MYC: variants seen among roughly 807,000 people sequenced by gnomAD.
The protein encoded by MYC is MYC proto-oncogene, bHLH transcription factor, also known as myc proto-oncogene protein.
MYC carries 1 observed loss-of-function variant against 30.5 expected under a neutral mutation model. The ratio of observed to expected loss-of-function variants is 0.03; its 90% CI spans 0.01 to 0.16. The LOEUF (loss-of-function observed/expected upper bound fraction) is 0.16. Ranked by LOEUF, MYC falls within the 10% of genes least tolerant of loss-of-function variation. The pLI is 1.00. For missense variants in MYC, 508 were observed against 589.0 expected (o/e 0.86, Z 1.42); for synonymous variants, 267 against 250.7 (o/e 1.07, Z -0.62).
In MYC at chr8:127,741,837, T is replaced by A. The variant is rs1813717448; in HGVS notation, c.*879T>A. Among the ~76,000 whole-genome samples, 1 of 152,160 alleles carries A rather than the reference T, an allele frequency of 6.6e-6. No individual in the cohort carries two copies. ...AAACCCAGGAATTCTGCCCAGTTGATGGGGACACGGTGGGAACCAGCTTCT... is the reference window on the plus strand; with the variant it reads ...AAACCCAGGAATTCTGCCCAGTTGAAGGGGACACGGTGGGAACCAGCTTCT... On this transcript the variant is annotated 3_prime_UTR_variant, in exon 3 of 3. Transcript: ENST00000621592.
chr8:127,742,915 C>T lies in MYC; in HGVS notation c.*1957C>T, dbSNP rs1242737990. ...CCTGTACTTTGGGATTTTAATCTAC[C>T]ACCACCCATAAATCAATAAATAATT... On this transcript the variant is annotated 3_prime_UTR_variant, in exon 3 of 3. Coordinates refer to ENST00000621592, the MANE Select transcript of MYC (RefSeq NM_002467.6). 2.0e-5 allele frequency among the ~76,000 whole-genome samples: 3 copies of T among 152,132 alleles called. No individual in the cohort carries two copies. Among genetic ancestry groups the T allele is most frequent in the Non-Finnish European group, 4.4e-5 (3 of 68,028 alleles).
chr8:127,736,677 T>G, intron 1 of MYC, 54 bp downstream of exon 1: 2 of 1,583,106 alleles, frequency 1.3e-6, no homozygotes, highest in South Asian at 2.2e-5. Context: ...ACTTTAATGC[T>G]GAGATGAGTC....
Position 127,742,113 on chromosome 8 carries a change from G to T in MYC, c.*1155G>T, listed in dbSNP as rs1245727201. Among the ~76,000 whole-genome samples the T allele has an allele frequency of 2.0e-5, 3 of 152,212 alleles. No homozygotes were observed. Among genetic ancestry groups the T allele is most frequent in the Admixed American group, 2.0e-4 (3 of 15,268 alleles). On this transcript the variant is annotated 3_prime_UTR_variant, in exon 3 of 3. Coordinates refer to ENST00000621592, the MANE Select transcript of MYC (RefSeq NM_002467.6). ...GGGTCTAATGTGCTGAGATCAAGAA[G>T]GTTTAGGACCTAATGGACAGACTCA...
chr8:127,737,832 C>G (rs578118914), intron 1 of MYC, among the ~76,000 whole-genome samples: 1 of 152,154 alleles, frequency 6.6e-6, no homozygotes, highest in East Asian at 1.9e-4. Flanking sequence ...AGCGCCCAGG[C>G]GCCTCTCGCC....
At position 127,736,300 on chromosome 8, in the gene MYC, G is replaced by A. The variant is rs1813586923; in HGVS notation, c.-294G>A. On this transcript the variant is annotated 5_prime_UTR_variant, in exon 1 of 3. Transcript: ENST00000621592. Reference sequence around the variant, plus strand: ...GCGGCCGGCTAGGGTGGAAGAGCCGGGCGAGCAGAGCTGCGCTGCGGGCGT... The same window carrying A: ...GCGGCCGGCTAGGGTGGAAGAGCCGAGCGAGCAGAGCTGCGCTGCGGGCGT... The A allele has an allele frequency of 3.6e-6, 2 of 556,546 alleles. No homozygotes were observed. Among genetic ancestry groups the A allele is most frequent in the South Asian group, 2.5e-5 (1 of 40,440 alleles). 34.5% of individuals were successfully genotyped at this position (556,546 alleles called of 1,614,324 possible). A position where few individuals can be genotyped will look rare whatever the true frequency, so the allele number is the denominator to read the frequency against.
Position 127,741,356 on chromosome 8 carries a change from C to A in MYC, c.*398C>A, listed in dbSNP as rs889904780. ...ATTTTTTTTATTTAAGTACATTTTG[C>A]TTTTTAAAGTTGATTTTTTTCTATT... On this transcript the variant is annotated 3_prime_UTR_variant, in exon 3 of 3. Transcript: ENST00000621592. 8.6e-6 allele frequency: 2 copies of A among 232,322 alleles called. No individual in the cohort carries two copies. Among genetic ancestry groups the A allele is most frequent in the East Asian group, 1.2e-4 (2 of 16,044 alleles). 14.4% of individuals were successfully genotyped at this position (232,322 alleles called of 1,614,324 possible).
At chr8:127,735,921 C>T (rs1431486255), upstream of MYC, 2 of 399,464 alleles carry the variant, frequency 5.0e-6, no homozygotes, top group Non-Finnish European at 8.8e-6. Flanking sequence ...GCTGAGTCTC[C>T]TCCCCACCTT....
At chr8:127,737,013 TTGGAGTAGGGACC>T (rs1367442756) in intron 1 of MYC, among the ~76,000 whole-genome samples, 9 of 152,376 alleles carry the variant, frequency 5.9e-5, no homozygotes, top group African/African-American at 1.9e-4. Flanking sequence ...CCTGAGCTCC[TTGGAGTAGGGACC>T]GCATATCGCC....
rs746958042 is a variant in MYC at position 127,738,888 on chromosome 8, C to T, written c.671C>T (p.Ala224Val). 65 of 1,611,958 alleles carry T rather than the reference C, an allele frequency of 4.0e-5. No homozygotes were observed. The highest frequency in any genetic ancestry group is 6.7e-5 in the Admixed American group (4 of 59,990). ...GACAGCAGCTCGCCCAAGTCCTGCG[C>T]CTCGCAAGACTCCAGCGCCTTCTCT... Residue 224 changes from alanine to valine, a missense_variant, in exon 2 of 3, where the codon GCC (alanine) becomes GTC (valine). Around this residue, in one of 5 missense-constraint regions of MYC, gnomAD observed 364 missense variants for 381.1 expected, o/e 0.96. Coordinates refer to ENST00000621592, the MANE Select transcript of MYC (RefSeq NM_002467.6). The surrounding 1 kb of genome is among the most constrained non-coding windows in gnomAD (Gnocchi z 7.6).
chr8:127,736,777 G>T (rs2071346), intron 1 of MYC, among the ~76,000 whole-genome samples, 154 bp downstream of exon 1: 10,924 of 152,108 alleles, frequency 0.072, 660 homozygotes, highest in East Asian at 0.2. Flanking sequence ...GGGGTGGGGG[G>T]TAATCCAGAA....
upstream of MYC, chr8:127,735,907 C>T (rs935136490): frequency 2.5e-6 from 1 of 399,654 alleles, no homozygotes; most frequent in Non-Finnish European, 4.4e-6. Flanking sequence ...TGCTCGGCTG[C>T]CCGGCTGAGT....
intron 2 of MYC, 41 bp from the exon 3 acceptor site, chr8:127,740,355 T>C (rs565094097): frequency 6.4e-7 from 1 of 1,569,408 alleles, no homozygotes; most frequent in African/African-American, 1.4e-5. Flanking sequence ...TATTTTAATG[T>C]AACCTTGCTA....
In MYC at chr8:127,740,867, A is replaced by G. The variant is rs1336293145; in HGVS notation, c.1274A>G (p.Glu425Gly). The change falls in exon 3 of 3, where the codon GAG becomes GGG. Residue 425 changes from glutamate (E) to glycine (G), a missense_variant. Physicochemically the swap from Glu to Gly is moderately conservative, Grantham distance 98. Transcript: ENST00000621592. ...TACATCCTGTCCGTCCAAGCAGAGG[A>G]GCAAAAGCTCATTTCTGAAGAGGAC... 6.2e-7 allele frequency: 1 copy of G among 1,613,014 alleles called. No individual in the cohort carries two copies. The highest frequency in any genetic ancestry group is 8.5e-7 in the Non-Finnish European group (1 of 1,179,734).
At position 127,738,072 on chromosome 8, in the gene MYC, AG is replaced by A. The variant is rs1455278694; in HGVS notation, c.31-171del. ...TCCGAGATAGCAGGGGACTGTCCAAAGGGGGTGAAAGGGTGCTCCCTTTATT... is the reference window on the plus strand; with the variant it reads ...TCCGAGATAGCAGGGGACTGTCCAAAGGGGTGAAAGGGTGCTCCCTTTATT... On this transcript the variant is annotated intron_variant, in intron 1 of 2. Coordinates refer to ENST00000621592, the MANE Select transcript of MYC (RefSeq NM_002467.6). This position sits in a 1 kb window ranked among gnomAD's most constrained non-coding sequence, Gnocchi z 7.6. Among the ~76,000 whole-genome samples the A allele has an allele frequency of 5.3e-5, 8 of 151,960 alleles. No individual in the cohort carries two copies. The highest frequency in any genetic ancestry group is 4.8e-5 in the African/African-American group (2 of 41,362).
chr8:127,737,621 A>C (rs1813617203), intron 1 of MYC, among the ~76,000 whole-genome samples: 1 of 143,258 alleles, frequency 7.0e-6, no homozygotes, highest in South Asian at 2.2e-4. Context: ...TGAGCTCGCC[A>C]CTCCAGCCGG....
chr8:127,737,112 A>G (rs541595179), intron 1 of MYC, among the ~76,000 whole-genome samples: 1 of 152,352 alleles, frequency 6.6e-6, no homozygotes, highest in East Asian at 1.9e-4. Context: ...GGCTCACCGC[A>G]TTTCTGACAG....
intron 2 of MYC, 139 bp downstream of exon 2, chr8:127,739,158 CTGAAA>C: frequency 1.0e-6 from 1 of 989,080 alleles, no homozygotes. Flanking sequence ...CTCATCACCT[CTGAAA>C]CCTTGGGCTT....
In MYC at chr8:127,738,654, A is replaced by G; in HGVS notation, c.437A>G (p.Gln146Arg). The change falls in exon 2 of 3, where the codon CAG (glutamine) becomes CGG (arginine). Residue 146 changes from glutamine to arginine, a missense_variant. This residue lies in a region of MYC where 364 missense variants were observed against 381.1 expected (regional missense o/e 0.96). Coordinates refer to ENST00000621592, the MANE Select transcript of MYC (RefSeq NM_002467.6). This position sits in a 1 kb window ranked among gnomAD's most constrained non-coding sequence, Gnocchi z 7.6. ...ACCTTCATCAAAAACATCATCATCC[A>G]GGACTGTATGTGGAGCGGCTTCTCG... The G allele has an allele frequency of 6.2e-7, 1 of 1,614,036 alleles. No individual in the cohort carries two copies. Among genetic ancestry groups the G allele is most frequent in the Non-Finnish European group, 8.5e-7 (1 of 1,179,944 alleles).
rs1813691782 is a variant in MYC, at chr8:127,740,496, C to T, written c.903C>T (p.Gly301=). The change falls in exon 3 of 3, where the codon GGC becomes GGT. Residue 301 remains glycine, a synonymous_variant. Coordinates refer to ENST00000621592, the MANE Select transcript of MYC (RefSeq NM_002467.6). The stretch of plus-strand genomic sequence containing the variant: ...AGTCTGGATCACCTTCTGCTGGAGG[C>T]CACAGCAAACCTCCTCACAGCCCAC... 4.3e-6 allele frequency: 7 copies of T among 1,614,096 alleles called. No individual in the cohort carries two copies. Among genetic ancestry groups the T allele is most frequent in the Non-Finnish European group, 5.9e-6 (7 of 1,180,016 alleles).
Sources: gnomAD v4.1 joint callset for allele counts (sites outside exome capture counted in the v4.1 genomes callset) on GRCh38, gnomAD v4.1.1 for gene constraint, gnomAD v4.1.1 regional missense constraint, Gnocchi (gnomAD v3.1) non-coding constraint, MANE v1.5 for transcripts, NCBI Gene and HGNC (gene_info 2026-07-23, HGNC 2026-07-21) for gene names.